The following STRN3 variants were observed in gnomAD, a reference collection of about 807,000 sequenced individuals.
STRN3 encodes the protein striatin-3.
STRN3 carries 29 observed loss-of-function variants against 95.6 expected under a neutral mutation model. That is an observed-to-expected ratio of 0.30 (90% CI 0.23 to 0.41). The LOEUF (loss-of-function observed/expected upper bound fraction) is 0.41. Among genes scored for constraint, STRN3 ranks in the 10% least tolerant of loss-of-function variants. The pLI, the probability that STRN3 is intolerant of heterozygous loss-of-function variation, is 1.00. For synonymous variants in STRN3, 331 were observed against 357.6 expected, an observed-to-expected ratio of 0.93 and a Z score of 0.84; for missense variants, 890 against 972.1, an observed-to-expected ratio of 0.92 and a Z score of 1.12.
intron 1 of STRN3, among the ~76,000 whole-genome samples, chr14:30,995,259 T>G (rs1449429679): frequency 6.6e-6 from 1 of 152,174 alleles, no homozygotes; most frequent in African/African-American, 2.4e-5. Flanking sequence ...TTCTTGTTGT[T>G]ACTGAAGCAT....
At chr14:30,951,418 G>C (rs1879635109) in intron 3 of STRN3, among the ~76,000 whole-genome samples, 1 of 151,978 alleles carries the variant, frequency 6.6e-6, no homozygotes, top group African/African-American at 2.4e-5. Flanking sequence ...ATTTTGAAGA[G>C]ATGAGGTTTT....
chr14:30,905,619 T>G, intron 14 of STRN3, 61 bp from the exon 15 acceptor site: 1 of 1,524,264 alleles, frequency 6.6e-7, no homozygotes, highest in Non-Finnish European at 8.8e-7. Context: ...AATCTCTACT[T>G]TTTGAAATCT....
intron 1 of STRN3, among the ~76,000 whole-genome samples, chr14:30,974,286 GAAC>G (rs1478639087): frequency 2.0e-5 from 3 of 152,038 alleles, no homozygotes; most frequent in Admixed American, 6.6e-5. Flanking sequence ...CACTAACAAT[GAAC>G]AATCTGAAAA....
chr14:31,013,050 G>C (rs958657496), intron 1 of STRN3, among the ~76,000 whole-genome samples: 1 of 152,120 alleles, frequency 6.6e-6, no homozygotes, highest in African/African-American at 2.4e-5. Context: ...CTTGAGCTCA[G>C]GAGTTCAAGA....
At chr14:30,953,538 T>C (rs1482084249) in intron 3 of STRN3, among the ~76,000 whole-genome samples, 1 of 152,254 alleles carries the variant, frequency 6.6e-6, no homozygotes, top group Admixed American at 6.5e-5. Context: ...AGATTTTCAC[T>C]GTAAATAATG....
chr14:30,935,339 T>A, intron 6 of STRN3, 35 bp from the exon 7 acceptor site: 1 of 1,599,498 alleles, frequency 6.3e-7, no homozygotes, highest in Non-Finnish European at 8.5e-7. Flanking sequence ...ATTACTTTTA[T>A]CCTAAATGGA....
chr14:30,972,382 CAAGGGG>C (rs1460213244), intron 1 of STRN3, among the ~76,000 whole-genome samples: 2 of 152,208 alleles, frequency 1.3e-5, no homozygotes, highest in Non-Finnish European at 2.9e-5. Context: ...GACACAGCAG[CAAGGGG>C]CCACATGCAT....
intron 1 of STRN3, 182 bp downstream of exon 1, chr14:31,025,722 C>T: frequency 2.3e-6 from 2 of 852,818 alleles, no homozygotes; most frequent in Non-Finnish European, 3.5e-6. Context: ...CAAGCTTATG[C>T]GGGAAAGAGG....
At chr14:30,963,166 A>T (rs1880296433) in intron 1 of STRN3, among the ~76,000 whole-genome samples, 1 of 152,214 alleles carries the variant, frequency 6.6e-6, no homozygotes, top group Admixed American at 6.5e-5. Flanking sequence ...ATGAAGCAAA[A>T]CTGACAGAAC....
intron 5 of STRN3, among the ~76,000 whole-genome samples, chr14:30,939,224 GTTGT>G (rs748219225): frequency 6.6e-6 from 1 of 152,108 alleles, no homozygotes. Flanking sequence ...ATCTTACAAG[GTTGT>G]TTGTTATATA....
chr14:31,025,832 G>A, intron 1 of STRN3, 72 bp downstream of exon 1: 3 of 1,539,850 alleles, frequency 1.9e-6, no homozygotes, highest in Non-Finnish European at 2.6e-6. Flanking sequence ...CGGCTGAGTG[G>A]AGTCCCCAGC....
chr14:31,008,331 A>G lies in STRN3; in HGVS notation c.282+17573T>C, dbSNP rs565831186. ...CAAGACCAGCCTATACATCATGGCA[A>G]AACCCAGTCTCTATAAAAATACAAA... is the stretch of plus-strand genomic sequence containing the variant. On this transcript the variant is annotated intron_variant, in intron 1 of 17. Transcript: ENST00000357479. 2.6e-5 allele frequency among the ~76,000 whole-genome samples: 4 copies of G among 151,858 alleles called. No individual in the cohort carries two copies. The East Asian group carries it at 7.8e-4, about 30-fold the overall frequency.
chr14:30,953,251 A>G (rs1408874629), intron 3 of STRN3, among the ~76,000 whole-genome samples: 1 of 152,200 alleles, frequency 6.6e-6, no homozygotes, highest in Non-Finnish European at 1.5e-5. Flanking sequence ...ACCTAGATGA[A>G]GAAACAAAAC....
At chr14:30,907,339 ACT>A (rs1441271512) in intron 13 of STRN3, among the ~76,000 whole-genome samples, 1 of 151,016 alleles carries the variant, frequency 6.6e-6, no homozygotes, top group Non-Finnish European at 1.5e-5. Flanking sequence ...ATACCATACA[ACT>A]CTCTCATTTA....
intron 7 of STRN3, among the ~76,000 whole-genome samples, chr14:30,929,967 A>AAAAAAAAAAAAACAAAAAAAC (rs1555317337): frequency 4.1e-4 from 37 of 91,194 alleles, no homozygotes; most frequent in African/African-American, 1.3e-3. Context: ...AAAAAAAAAA[A>AAAAAAAAAAAAACAAAAAAAC]AAAAAAAAAA....
chr14:31,003,651 C>G (rs1219592665), intron 1 of STRN3, among the ~76,000 whole-genome samples: 1 of 152,104 alleles, frequency 6.6e-6, no homozygotes, highest in Non-Finnish European at 1.5e-5. Context: ...GAAGCCCTCA[C>G]CAGATACAGA....
chr14:30,943,860 T>C (rs2139100823), intron 5 of STRN3, among the ~76,000 whole-genome samples: 1 of 152,180 alleles, frequency 6.6e-6, no homozygotes, highest in Middle Eastern at 3.4e-3. Flanking sequence ...AGAATAGTGG[T>C]TGCCAGGGGC....
At chr14:30,972,320 G>GCCAATCGGAATTAGTTTAGCCTGTGCAT (rs1880873635) in intron 1 of STRN3, among the ~76,000 whole-genome samples, 1 of 151,678 alleles carries the variant, frequency 6.6e-6, no homozygotes, top group Admixed American at 6.6e-5. Context: ...CTTTAAATTA[G>GCCAATCGGAATTAGTTTAGCCTGTGCAT]CCAATCGGAA....
At chr14:30,945,555 G>A (rs567021499) in intron 5 of STRN3, among the ~76,000 whole-genome samples, 3 of 152,160 alleles carry the variant, frequency 2.0e-5, no homozygotes, top group African/African-American at 2.4e-5. Flanking sequence ...TCAGTGAGCC[G>A]TGATCATGCC....
Sources: gnomAD v4.1 joint callset for allele counts (sites outside exome capture counted in the v4.1 genomes callset) on GRCh38, gnomAD v4.1.1 for gene constraint, MANE v1.5 for transcripts, NCBI Gene and HGNC (gene_info 2026-07-23, HGNC 2026-07-21) for gene names.